The following CSRNP3 variants were observed in gnomAD, a reference collection of about 807,000 sequenced individuals.
CSRNP3 encodes the protein cysteine and serine rich nuclear protein 3.
CSRNP3 carries 12 observed loss-of-function variants against 48.0 expected under a neutral mutation model. The ratio of observed to expected loss-of-function variants is 0.25; its 90% CI spans 0.16 to 0.41. The LOEUF (loss-of-function observed/expected upper bound fraction) is 0.41, where lower values mean the gene tolerates loss of function less well. CSRNP3 is among the 10% of genes least tolerant of loss of function. CSRNP3 has a pLI of 1.00. For synonymous variants in CSRNP3, 263 were observed against 269.7 expected (o/e 0.98, Z 0.24); for missense variants, 580 against 724.4 (o/e 0.80, Z 2.29).
At chr2:165,618,052 G>T (rs958405839) in intron 4 of CSRNP3, among the ~76,000 whole-genome samples, 1 of 152,224 alleles carries the variant, frequency 6.6e-6, no homozygotes, top group Non-Finnish European at 1.5e-5. Flanking sequence ...GAGTCCTGGG[G>T]AGTGGGTAGG....
chr2:165,639,117 C>T (rs1222556240), intron 4 of CSRNP3, among the ~76,000 whole-genome samples: 2 of 152,164 alleles, frequency 1.3e-5, no homozygotes, highest in African/African-American at 2.4e-5. Context: ...TGTCTTGTCA[C>T]GTATTTTCTC....
At chr2:165,596,401 A>C (rs1685812275) in intron 4 of CSRNP3, among the ~76,000 whole-genome samples, 1 of 152,090 alleles carries the variant, frequency 6.6e-6, no homozygotes, top group Non-Finnish European at 1.5e-5. Flanking sequence ...TGATTCTATA[A>C]CAAAGAATTT....
In CSRNP3 at chr2:165,595,064, C is replaced by T. The variant is rs369124260; in HGVS notation, c.-2C>T. 1.7e-5 allele frequency: 27 copies of T among 1,613,826 alleles called. No individual in the cohort carries two copies. Among genetic ancestry groups the T allele is most frequent in the Non-Finnish European group, 2.0e-5 (24 of 1,179,956 alleles). ...ACAGGTACATGTGACAGCACTGCAG[C>T]GATGAGTGGAATTTTAAAGAGGAAG... On this transcript the variant is annotated 5_prime_UTR_variant, in exon 4 of 7. Transcript: ENST00000651982.
rs80321559 is a variant in CSRNP3 at position 165,476,743 on chromosome 2, C to T, written c.-283+7003C>T. 1.3e-4 allele frequency among the ~76,000 whole-genome samples: 20 copies of T among 152,340 alleles called. No homozygotes were observed. The East Asian group carries it at 3.7e-3, about 28-fold the overall frequency. On this transcript the variant is annotated intron_variant, in intron 1 of 6. Transcript: ENST00000651982. ...TGTAAATTTGGACCAGTTACTTAAA[C>T]TATCTGAGCCTTAGTTTTCTTATCT...
chr2:165,538,147 C>G (rs1246708664), intron 3 of CSRNP3, among the ~76,000 whole-genome samples: 1 of 151,928 alleles, frequency 6.6e-6, no homozygotes, highest in Non-Finnish European at 1.5e-5. Context: ...CAAGATTATT[C>G]ATCCCACAAC....
At chr2:165,495,681 A>G (rs1269179178) in intron 2 of CSRNP3, among the ~76,000 whole-genome samples, 1 of 152,104 alleles carries the variant, frequency 6.6e-6, no homozygotes, top group Non-Finnish European at 1.5e-5. Context: ...AAGAGTTAAC[A>G]TGCAAAGCAA....
At chr2:165,609,750 T>A (rs1686104401) in intron 4 of CSRNP3, among the ~76,000 whole-genome samples, 1 of 152,102 alleles carries the variant, frequency 6.6e-6, no homozygotes, top group Non-Finnish European at 1.5e-5. Flanking sequence ...AGGGAGTAGG[T>A]CTCCAGACAA....
chr2:165,512,932 A>G (rs1684527039), intron 2 of CSRNP3, among the ~76,000 whole-genome samples: 1 of 152,126 alleles, frequency 6.6e-6, no homozygotes, highest in Non-Finnish European at 1.5e-5. Flanking sequence ...GTGAAACCCC[A>G]TGTCTACTAA....
chr2:165,627,842 A>G (rs920418601), intron 4 of CSRNP3, among the ~76,000 whole-genome samples: 3 of 152,148 alleles, frequency 2.0e-5, no homozygotes, highest in Admixed American at 1.3e-4. Flanking sequence ...ATGAGGAACT[A>G]TGCTCAGAGA....
intron 4 of CSRNP3, among the ~76,000 whole-genome samples, chr2:165,619,661 A>T (rs1042002951): frequency 6.6e-6 from 1 of 152,156 alleles, no homozygotes; most frequent in African/African-American, 2.4e-5. Context: ...TTCTTGCCTG[A>T]TATCCTAGCA....
intron 4 of CSRNP3, among the ~76,000 whole-genome samples, chr2:165,644,525 T>G (rs1323900400): frequency 6.6e-6 from 1 of 152,182 alleles, no homozygotes; most frequent in African/African-American, 2.4e-5. Flanking sequence ...CCCAGCAGTG[T>G]GCTGTACCCT....
intron 5 of CSRNP3, among the ~76,000 whole-genome samples, chr2:165,658,306 T>C (rs911581484): frequency 6.6e-6 from 1 of 152,152 alleles, no homozygotes; most frequent in Non-Finnish European, 1.5e-5. Flanking sequence ...AAAATAGATG[T>C]GGTCCTCTCT....
At chr2:165,492,550 TA>T (rs1294543894) in intron 1 of CSRNP3, among the ~76,000 whole-genome samples, 1 of 152,004 alleles carries the variant, frequency 6.6e-6, no homozygotes, top group East Asian at 1.9e-4. Flanking sequence ...ACTGAACAAC[TA>T]AAAATTAAAT....
At chr2:165,647,156 T>G (rs2105338771) in intron 4 of CSRNP3, among the ~76,000 whole-genome samples, 1 of 152,256 alleles carries the variant, frequency 6.6e-6, no homozygotes, top group African/African-American at 2.4e-5. Context: ...ATGTAATTAT[T>G]TCTTATAATA....
At chr2:165,520,784 T>TATATACATATATATATATTATATAC (rs1491115348) in intron 3 of CSRNP3, among the ~76,000 whole-genome samples, 2 of 3,210 alleles carry the variant, frequency 6.2e-4, no homozygotes, top group African/African-American at 3.6e-3. Context: ...ATATATATAT[T>TATATACATATATATATATTATATAC]ATATATATAT....
chr2:165,663,116 C>A (rs927166017), intron 5 of CSRNP3, among the ~76,000 whole-genome samples: 2 of 152,162 alleles, frequency 1.3e-5, no homozygotes, highest in Non-Finnish European at 2.9e-5. Flanking sequence ...CTTTGTATCT[C>A]CTCAAAAGTC....
At position 165,676,613 on chromosome 2, in the gene CSRNP3, G is replaced by A. The variant is rs376160936; in HGVS notation, c.705+5G>A. On this transcript the variant is annotated splice_donor_5th_base_variant and intron_variant, in intron 6 of 6. Transcript: ENST00000651982. ...CTGGCTGGCATTAAGTGCCAGGTAA[G>A]GGTTGGGAATTCAGGGCATCCAAAG... is the stretch of plus-strand genomic sequence containing the variant. 6.2e-7 allele frequency: 1 copy of A among 1,610,046 alleles called. No individual in the cohort carries two copies. Among genetic ancestry groups the A allele is most frequent in the African/African-American group, 1.3e-5 (1 of 74,996 alleles).
At chr2:165,675,544 G>A (rs532734974) in intron 5 of CSRNP3, among the ~76,000 whole-genome samples, 2 of 152,284 alleles carry the variant, frequency 1.3e-5, no homozygotes, top group East Asian at 3.9e-4. Context: ...AATATAAATA[G>A]AAGCAGACTA....
At chr2:165,666,160 G>A (rs1573955792) in intron 5 of CSRNP3, among the ~76,000 whole-genome samples, 1 of 102,352 alleles carries the variant, frequency 9.8e-6, no homozygotes, top group Non-Finnish European at 2.3e-5. Context: ...GAGGAAGAAA[G>A]AGAGAGAGAG....
Sources: allele counts gnomAD v4.1 joint callset (sites outside exome capture counted in the v4.1 genomes callset), GRCh38; gene constraint gnomAD v4.1.1; transcripts MANE v1.5; gene names NCBI Gene and HGNC (gene_info 2026-07-23, HGNC 2026-07-21).